Variants in NFAT5 observed in about 807,000 individuals in gnomAD.
The protein encoded by NFAT5 is nuclear factor of activated T-cells 5.
A neutral mutation model predicts 166.5 loss-of-function variants in NFAT5; 31 were observed. The ratio of observed to expected loss-of-function variants is 0.19; its 90% CI spans 0.14 to 0.25. The LOEUF (loss-of-function observed/expected upper bound fraction) is 0.25. Among genes scored for constraint, NFAT5 ranks in the 10% least tolerant of loss-of-function variants. NFAT5 has a pLI of 1.00. For missense variants in NFAT5, 1,449 were observed against 1,821.8 expected (o/e 0.80, Z 3.72); for synonymous variants, 612 against 639.7 (o/e 0.96, Z 0.65).
chr16:69,687,557 G>C (rs1483065875), intron 11 of NFAT5, among the ~76,000 whole-genome samples: 1 of 151,724 alleles, frequency 6.6e-6, no homozygotes, highest in South Asian at 2.1e-4. Flanking sequence ...TCCTTTTACT[G>C]TTTGTCTTTA....
At chr16:69,681,532 CATCCTATACTTGG>C (rs2037057868) in intron 10 of NFAT5, among the ~76,000 whole-genome samples, 1 of 152,126 alleles carries the variant, frequency 6.6e-6, no homozygotes, top group Non-Finnish European at 1.5e-5. Context: ...TTTTTGGCTC[CATCCTATACTTGG>C]AAGCCTTTGA....
At chr16:69,617,477 A>G (rs2034006689) in intron 2 of NFAT5, among the ~76,000 whole-genome samples, 2 of 151,834 alleles carry the variant, frequency 1.3e-5, no homozygotes, top group East Asian at 3.9e-4. Flanking sequence ...GAGGTTATTT[A>G]GAGAACAATT....
At chr16:69,604,898 G>A (rs1339961170) in intron 2 of NFAT5, among the ~76,000 whole-genome samples, 1 of 152,026 alleles carries the variant, frequency 6.6e-6, no homozygotes, top group African/African-American at 2.4e-5. Flanking sequence ...ATTCTTGTGG[G>A]GGAATACTGT....
chr16:69,652,452 A>AG (rs1381126001), intron 4 of NFAT5, among the ~76,000 whole-genome samples: 6 of 150,170 alleles, frequency 4.0e-5, no homozygotes, highest in Admixed American at 4.0e-4. Flanking sequence ...ACTCCATCTC[A>AG]GAAAAAAAAA....
intron 2 of NFAT5, among the ~76,000 whole-genome samples, chr16:69,603,493 C>T (rs2033246041): frequency 6.6e-6 from 1 of 152,166 alleles, no homozygotes; most frequent in Non-Finnish European, 1.5e-5. Context: ...CACGGTGGCT[C>T]ATGCCTGTAA....
At chr16:69,658,382 T>C (rs8053080) in intron 6 of NFAT5, among the ~76,000 whole-genome samples, 39,062 of 148,502 alleles carry the variant, frequency 0.26, 5,483 homozygotes, top group East Asian at 0.46. Flanking sequence ...ACTTGAGAGG[T>C]TGAGGCAGGA....
At position 69,647,701 on chromosome 16, in the gene NFAT5, TAATTTTATCATTGAAATACATGAA is replaced by T. The variant is rs1269174723; in HGVS notation, c.812+123_812+146del. 13 of 891,964 alleles carry T rather than the reference TAATTTTATCATTGAAATACATGAA, an allele frequency of 1.5e-5. No homozygotes were observed. Among genetic ancestry groups the T allele is most frequent in the African/African-American group, 3.4e-5 (2 of 59,212 alleles). 55.3% of individuals were successfully genotyped at this position (891,964 alleles called of 1,614,324 possible). A position where few individuals can be genotyped will look rare whatever the true frequency, so the allele number is the denominator to read the frequency against. The stretch of plus-strand genomic sequence containing the variant: ...AAGTTTGCATATAAAGCAACAGTGC[TAATTTTATCATTGAAATACATGAA>T]AATTTTAACTTAAAATTACCAACTT... On this transcript the variant is annotated intron_variant, in intron 4 of 14. Transcript: ENST00000349945. This position sits in a 1 kb window ranked among gnomAD's most constrained non-coding sequence, Gnocchi z 4.8.
In NFAT5 at chr16:69,694,038, A is replaced by G. The variant is rs1434803153; in HGVS notation, c.4213A>G (p.Ser1405Gly). 6.2e-7 allele frequency: 1 copy of G among 1,614,212 alleles called. No individual in the cohort carries two copies. The highest frequency in any genetic ancestry group is 1.7e-5 in the Admixed American group (1 of 60,018). The change falls in exon 13 of 15, where the codon AGT (serine) becomes GGT (glycine). Residue 1405 changes from serine to glycine, a missense_variant. Physicochemically the swap from Ser to Gly is moderately conservative, Grantham distance 56. Transcript: ENST00000349945. ...AGCATCCATGTCTGCCTTGCAGACC[A>G]GTATAAATCAACAAGATATGCAACA... Reference protein sequence around the residue: ...SPASMSALQTSINQQDMQQSP... With the variant: ...SPASMSALQTGINQQDMQQSP...
At chr16:69,586,714 A>T (rs2032091635) in intron 2 of NFAT5, among the ~76,000 whole-genome samples, 1 of 152,050 alleles carries the variant, frequency 6.6e-6, no homozygotes, top group Non-Finnish European at 1.5e-5. Flanking sequence ...CGACTGGAAA[A>T]TTTTTTGACT....
chr16:69,573,862 A>G (rs1231936923), intron 2 of NFAT5, among the ~76,000 whole-genome samples: 2 of 148,606 alleles, frequency 1.3e-5, no homozygotes, highest in African/African-American at 5.0e-5. Context: ...TATATAAAAA[A>G]CAGCCACTTT....
At chr16:69,676,185 C>T (rs1389895942) in intron 9 of NFAT5, among the ~76,000 whole-genome samples, 2 of 152,124 alleles carry the variant, frequency 1.3e-5, no homozygotes, top group South Asian at 4.1e-4. Flanking sequence ...AATCACTACC[C>T]TGTGATATCC....
intron 7 of NFAT5, among the ~76,000 whole-genome samples, chr16:69,661,783 T>C (rs2036156622): frequency 6.6e-6 from 1 of 152,152 alleles, no homozygotes; most frequent in Non-Finnish European, 1.5e-5. Flanking sequence ...TCATAGTTAA[T>C]TCAATGGATA....
chr16:69,627,224 T>C (rs114304143), intron 3 of NFAT5, among the ~76,000 whole-genome samples: 2,832 of 150,784 alleles, frequency 0.019, 92 homozygotes, highest in African/African-American at 0.065. Flanking sequence ...AAAAGTGTTA[T>C]CAGTGACAAA....
chr16:69,571,129 TAAAAAAAAAA>T (rs56221116), intron 2 of NFAT5, among the ~76,000 whole-genome samples: 13 of 31,378 alleles, frequency 4.1e-4, no homozygotes, highest in African/African-American at 9.5e-4. Context: ...CCATCTCTAC[TAAAAAAAAAA>T]AAAAAAAAAA....
At chr16:69,599,234 G>A (rs2032991453) in intron 2 of NFAT5, among the ~76,000 whole-genome samples, 1 of 152,002 alleles carries the variant, frequency 6.6e-6, no homozygotes, top group African/African-American at 2.4e-5. Context: ...ACTGAATCAT[G>A]CACTTTAAAA....
chr16:69,673,073 A>T (rs2036690085), intron 9 of NFAT5, among the ~76,000 whole-genome samples: 1 of 152,014 alleles, frequency 6.6e-6, no homozygotes, highest in Non-Finnish European at 1.5e-5. Context: ...TTTTTAAAAC[A>T]CTTTTTTTCA....
At position 69,617,193 on chromosome 16, in the gene NFAT5, C is replaced by T. The variant is rs540338959; in HGVS notation, c.128-9210C>T. 1.1e-4 allele frequency among the ~76,000 whole-genome samples: 17 copies of T among 152,136 alleles called. No individual in the cohort carries two copies. The East Asian group carries it at 1.2e-3, about 10-fold the overall frequency. On this transcript the variant is annotated intron_variant, in intron 2 of 14. Coordinates refer to ENST00000349945, the MANE Select transcript of NFAT5 (RefSeq NM_138713.4). ...TCCTGACCTTGTGATCCGCCCGCCTCGGCCTCCCAAAGTGCTGGGATTACA... is the reference window on the plus strand; with the variant it reads ...TCCTGACCTTGTGATCCGCCCGCCTTGGCCTCCCAAAGTGCTGGGATTACA...
At chr16:69,655,502 A>G (rs2035840810) in intron 5 of NFAT5, 107 bp from the exon 6 acceptor site, 1 of 828,656 alleles carries the variant, frequency 1.2e-6, no homozygotes, top group African/African-American at 1.8e-5. Flanking sequence ...AATTTTTTTA[A>G]ATGTAATTCA....
At chr16:69,691,261 G>A (rs901383531) in intron 12 of NFAT5, among the ~76,000 whole-genome samples, 173 bp downstream of exon 12, 5 of 152,102 alleles carry the variant, frequency 3.3e-5, no homozygotes, top group African/African-American at 1.2e-4. Context: ...AATATACAAG[G>A]GAGGAATTAA....
Sources: gnomAD v4.1 joint callset for allele counts (sites outside exome capture counted in the v4.1 genomes callset) on GRCh38, gnomAD v4.1.1 for gene constraint, Gnocchi (gnomAD v3.1) non-coding constraint, MANE v1.5 for transcripts, NCBI Gene and HGNC (gene_info 2026-07-23, HGNC 2026-07-21) for gene names.